ENOPH1: variants seen among roughly 807,000 people sequenced by gnomAD.
ENOPH1 encodes the protein enolase-phosphatase 1, also known as enolase-phosphatase E1.
Under a neutral mutation model 31.1 loss-of-function variants are expected in ENOPH1, and 14 were observed. The observed-to-expected ratio is 0.45, with a 90% CI of 0.30 to 0.70. ENOPH1 has a LOEUF of 0.70. Among genes scored for constraint, ENOPH1 ranks in the 30% least tolerant of loss-of-function variants. The pLI is 0.09. For synonymous variants in ENOPH1, 127 were observed against 123.2 expected (o/e 1.03, Z -0.21); for missense variants, 243 against 321.5 (o/e 0.76, Z 1.87).
intron 2 of ENOPH1, 88 bp downstream of exon 2, chr4:82,448,109 T>A: frequency 1.2e-6 from 1 of 868,232 alleles, no homozygotes; most frequent in Non-Finnish European, 1.8e-6. Context: ...TTTTGTAAAA[T>A]AAGTGCCCTG....
At chr4:82,439,573 T>C (rs1235188868) in intron 1 of ENOPH1, among the ~76,000 whole-genome samples, 1 of 152,220 alleles carries the variant, frequency 6.6e-6, no homozygotes, top group African/African-American at 2.4e-5. Flanking sequence ...CATCTGACTC[T>C]ATAAACTCAA....
rs568401475 is a variant in ENOPH1, at chr4:82,440,784, G to T, written c.85-7136G>T. Among the ~76,000 whole-genome samples, 31 of 152,274 alleles carry T rather than the reference G, an allele frequency of 2.0e-4. No homozygotes were observed. The South Asian group carries it at 6.4e-3, about 32-fold the overall frequency. ...ATTATAATTTAATCTCCTTAATGGG[G>T]CTATCTTTTGTCTTATCAGCACCAC... On this transcript the variant is annotated intron_variant, in intron 1 of 5. Coordinates refer to ENST00000273920, the MANE Select transcript of ENOPH1 (RefSeq NM_021204.5).
At chr4:82,434,294 T>C (rs1001206380) in intron 1 of ENOPH1, among the ~76,000 whole-genome samples, 2 of 152,140 alleles carry the variant, frequency 1.3e-5, no homozygotes, top group African/African-American at 4.8e-5. Context: ...TAAAAGTATA[T>C]GGTAACAAGC....
intron 1 of ENOPH1, among the ~76,000 whole-genome samples, chr4:82,444,370 TACCA>T (rs1317391192): frequency 1.3e-5 from 2 of 152,118 alleles, no homozygotes; most frequent in African/African-American, 4.8e-5. Flanking sequence ...TATAGGCGTG[TACCA>T]CCACGCCCCG....
chr4:82,454,944 G>GT, intron 4 of ENOPH1, 90 bp downstream of exon 4: 3 of 1,242,324 alleles, frequency 2.4e-6, no homozygotes, highest in Middle Eastern at 2.2e-4. Flanking sequence ...CTAATAGAAT[G>GT]CTTTTTTTTT....
intron 1 of ENOPH1, among the ~76,000 whole-genome samples, chr4:82,446,689 CTTTTTT>C (rs1175624219): frequency 7.4e-5 from 5 of 67,512 alleles, no homozygotes; most frequent in South Asian, 5.7e-4. Flanking sequence ...GTGACGGAAT[CTTTTTT>C]TTTTTTTTTT....
In ENOPH1 at chr4:82,451,151, T is replaced by C; in HGVS notation, c.295T>C (p.Trp99Arg). 1 of 1,614,240 alleles carries C rather than the reference T, an allele frequency of 6.2e-7. No individual in the cohort carries two copies. The highest frequency in any genetic ancestry group is 8.5e-7 in the Non-Finnish European group (1 of 1,180,044). ...MIQAVVDNVC[W>R]QMSLDRKTTA... ...CCAGGCCGTGGTAGATAATGTGTGC[T>C]GGCAGATGTCCCTGGATCGAAAGAC... Residue 99 changes from tryptophan (W) to arginine (R), a missense_variant, in exon 3 of 6, where the codon TGG becomes CGG. Coordinates refer to ENST00000273920, the MANE Select transcript of ENOPH1 (RefSeq NM_021204.5).
intron 1 of ENOPH1, among the ~76,000 whole-genome samples, chr4:82,431,844 G>T (rs1044960534): frequency 1.3e-5 from 2 of 151,566 alleles, no homozygotes; most frequent in African/African-American, 4.8e-5. Context: ...CATCTTCCAA[G>T]AAACTGAGCA....
At position 82,449,989 on chromosome 4, in the gene ENOPH1, G is replaced by A. The variant is rs528553211; in HGVS notation, c.187-1054G>A. ...CTCTGTTGTTTTTCTTGTTAAAATT[G>A]CTTCAGTGGCAAAGATCTTACATGG... On this transcript the variant is annotated intron_variant, in intron 2 of 5. Coordinates refer to ENST00000273920, the MANE Select transcript of ENOPH1 (RefSeq NM_021204.5). Among the ~76,000 whole-genome samples, 5 of 152,210 alleles carry A rather than the reference G, an allele frequency of 3.3e-5. No individual in the cohort carries two copies. In the South Asian group the frequency reaches 1.0e-3, roughly 32 times the overall value.
chr4:82,454,540 G>A (rs1722433442), intron 3 of ENOPH1, among the ~76,000 whole-genome samples, 182 bp from the exon 4 acceptor site: 1 of 152,172 alleles, frequency 6.6e-6, no homozygotes, highest in Non-Finnish European at 1.5e-5. Context: ...CTTCTAATCT[G>A]CTGTGAGCCT....
chr4:82,447,734 A>C (rs1310017543), intron 1 of ENOPH1, among the ~76,000 whole-genome samples, 186 bp from the exon 2 acceptor site: 1 of 151,656 alleles, frequency 6.6e-6, no homozygotes, highest in Non-Finnish European at 1.5e-5. Flanking sequence ...TAGTTTGCCG[A>C]CTCTTGGTCT....
intron 1 of ENOPH1, among the ~76,000 whole-genome samples, chr4:82,441,448 C>T (rs761432966): frequency 6.6e-6 from 1 of 151,948 alleles, no homozygotes; most frequent in Non-Finnish European, 1.5e-5. Context: ...CGGTGAAACC[C>T]CGTTTCTGCT....
In ENOPH1 at chr4:82,456,894, T is replaced by G. The variant is rs748301385; in HGVS notation, c.523-21T>G. ...TGCAAGTGTATTTGTATTGCCAGTCTTTCCCCTTCTCTTTGTTCAGCTTGT... is the reference window on the plus strand; with the variant it reads ...TGCAAGTGTATTTGTATTGCCAGTCGTTCCCCTTCTCTTTGTTCAGCTTGT... On this transcript the variant is annotated intron_variant, in intron 4 of 5. Transcript: ENST00000273920. 3.1e-6 allele frequency: 5 copies of G among 1,612,160 alleles called. No individual in the cohort carries two copies. The South Asian group carries it at 5.5e-5, about 18-fold the overall frequency.
Position 82,454,835 on chromosome 4 carries a change from C to G in ENOPH1, c.503C>G (p.Thr168Arg). 1 of 1,612,414 alleles carries G rather than the reference C, an allele frequency of 6.2e-7. No homozygotes were observed. The highest frequency in any genetic ancestry group is 8.5e-7 in the Non-Finnish European group (1 of 1,179,548). ...CAGAAACTGTTATTCGGGCATTCTA[C>G]GGAGGGAGATATTCTTGAGGTAGGT... ...EAQKLLFGHS[T>R]EGDILELVDG... Residue 168 changes from threonine to arginine, a missense_variant, in exon 4 of 6, where the codon ACG becomes AGG. Physicochemically the swap from Thr to Arg is moderately conservative, Grantham distance 71. Coordinates refer to ENST00000273920, the MANE Select transcript of ENOPH1 (RefSeq NM_021204.5).
intron 2 of ENOPH1, among the ~76,000 whole-genome samples, chr4:82,449,163 G>A (rs1046222764): frequency 4.6e-5 from 7 of 151,280 alleles, no homozygotes; most frequent in Admixed American, 1.3e-4. Context: ...TTGCTTGAAC[G>A]TGGGAGGTGA....
At position 82,456,950 on chromosome 4, in the gene ENOPH1, C is replaced by G. The variant is rs1045964008; in HGVS notation, c.558C>G (p.His186Gln). The G allele has an allele frequency of 6.2e-7, 1 of 1,613,964 alleles. No homozygotes were observed. The highest frequency in any genetic ancestry group is 1.3e-5 in the African/African-American group (1 of 74,990). The change falls in exon 5 of 6, where the codon CAC (histidine) becomes CAG (glutamine). Residue 186 changes from histidine (H) to glutamine (Q), a missense_variant. Transcript: ENST00000273920. ...VDGHFDTKIG[H>Q]KVESESYRKI... is the part of the protein sequence containing the mutation. Reference sequence around the variant, plus strand: ...GTCACTTTGATACCAAGATTGGACACAAAGTAGAGAGTGAAAGTTACCGAA... The same window carrying G: ...GTCACTTTGATACCAAGATTGGACAGAAAGTAGAGAGTGAAAGTTACCGAA...
intron 1 of ENOPH1, among the ~76,000 whole-genome samples, chr4:82,433,345 A>G (rs914506802): frequency 6.6e-6 from 1 of 152,204 alleles, no homozygotes; most frequent in African/African-American, 2.4e-5. Flanking sequence ...TCTGAAATCC[A>G]AAAATAAAAA....
At chr4:82,456,807 A>C in intron 4 of ENOPH1, 108 bp from the exon 5 acceptor site, 1 of 1,394,472 alleles carries the variant, frequency 7.2e-7, no homozygotes, top group Admixed American at 2.2e-5. Context: ...GATTTTCAGA[A>C]AATACTGAAC....
chr4:82,436,286 T>G (rs1183613325), intron 1 of ENOPH1, among the ~76,000 whole-genome samples: 1 of 152,222 alleles, frequency 6.6e-6, no homozygotes, highest in Non-Finnish European at 1.5e-5. Context: ...AGGGCAGTGT[T>G]TCCCAGCTAC....
Sources: allele counts gnomAD v4.1 joint callset (sites outside exome capture counted in the v4.1 genomes callset), GRCh38; gene constraint gnomAD v4.1.1; transcripts MANE v1.5; gene names NCBI Gene and HGNC (gene_info 2026-07-23, HGNC 2026-07-21).